Variants in XKR9 observed in about 807,000 individuals in gnomAD.
XKR9 encodes XK-related protein 9.
In XKR9, 32 loss-of-function variants were observed where a neutral mutation model predicts 32.0. That is an observed-to-expected ratio of 1.00 (90% CI 0.76 to 1.34). The LOEUF (loss-of-function observed/expected upper bound fraction) is 1.34. Among genes scored for constraint, XKR9 ranks in the 40% most tolerant of loss-of-function variants. The probability of loss-of-function intolerance (pLI) is 0.00; values close to 1 mark genes in which losing one functional copy is unlikely to be tolerated. For synonymous variants in XKR9, 168 were observed against 143.4 expected (o/e 1.17, Z -1.22); for missense variants, 546 against 429.7 (o/e 1.27, Z -2.39).
the XKR9 span, among the ~76,000 whole-genome samples, chr8:70,870,352 A>C: frequency 0.016 from 2,460 of 152,336 alleles, 24 homozygotes; most frequent in Non-Finnish European, 0.027. Flanking sequence ...TTAATGACTA[A>C]GTTTAAAAGT....
chr8:70,856,841 A>G, the XKR9 span, among the ~76,000 whole-genome samples: 2 of 152,218 alleles, frequency 1.3e-5, no homozygotes, highest in Admixed American at 6.5e-5. Flanking sequence ...GCTCAACTAC[A>G]TGGAAACTGG....
the XKR9 span, among the ~76,000 whole-genome samples, chr8:70,910,244 C>A: frequency 0.048 from 7,349 of 152,148 alleles, 792 homozygotes; most frequent in East Asian, 0.26. Context: ...AGGCCTTCTT[C>A]TTGTTACCCC....
At chr8:70,916,314 T>C in the XKR9 span, among the ~76,000 whole-genome samples, 1 of 152,232 alleles carries the variant, frequency 6.6e-6, no homozygotes, top group South Asian at 2.1e-4. Context: ...TCTTTGTCCG[T>C]TGATTTTCAG....
the XKR9 span, among the ~76,000 whole-genome samples, chr8:70,834,018 T>A: frequency 6.6e-6 from 1 of 152,268 alleles, no homozygotes; most frequent in South Asian, 2.1e-4. Context: ...GACTTACTAC[T>A]GGATTTAAAA....
the XKR9 span, among the ~76,000 whole-genome samples, chr8:70,998,369 T>C: frequency 6.6e-6 from 1 of 152,196 alleles, no homozygotes; most frequent in East Asian, 1.9e-4. Context: ...TGATTAGCAG[T>C]AATGAGTTCA....
At chr8:70,725,592 C>T (rs1024052112) in intron 4 of XKR9, among the ~76,000 whole-genome samples, 4 of 151,966 alleles carry the variant, frequency 2.6e-5, no homozygotes, top group South Asian at 2.1e-4. Context: ...TTTTAAAAAA[C>T]GATGTACGAG....
At chr8:70,846,823 T>C in the XKR9 span, among the ~76,000 whole-genome samples, 1 of 152,138 alleles carries the variant, frequency 6.6e-6, no homozygotes, top group African/African-American at 2.4e-5. Context: ...ATGCACTTAA[T>C]ACCAGAGCAT....
chr8:71,043,745 C>T, the XKR9 span, among the ~76,000 whole-genome samples: 4 of 152,028 alleles, frequency 2.6e-5, no homozygotes, highest in Admixed American at 2.0e-4. Context: ...TAGCTTTTTT[C>T]CCTTCTTGAA....
chr8:70,757,035 A>C (rs1302455059), intron 2 of XKR9, among the ~76,000 whole-genome samples: 2 of 152,058 alleles, frequency 1.3e-5, no homozygotes, highest in Admixed American at 1.3e-4. Flanking sequence ...TATTTATTGA[A>C]TGTTTTTATC....
At chr8:70,935,110 T>TAC in the XKR9 span, among the ~76,000 whole-genome samples, 3 of 147,322 alleles carry the variant, frequency 2.0e-5, no homozygotes, top group African/African-American at 7.5e-5. Flanking sequence ...AGTATATATA[T>TAC]ATATATATAT....
chr8:70,813,040 C>T, the XKR9 span, among the ~76,000 whole-genome samples: 2 of 152,162 alleles, frequency 1.3e-5, no homozygotes, highest in Non-Finnish European at 2.9e-5. Context: ...TGACTTCAAA[C>T]TATACTACAA....
chr8:70,680,744 A>G (rs1819048691), intron 2 of XKR9, 37 bp from the exon 3 acceptor site: 1 of 175,624 alleles, frequency 5.7e-6, no homozygotes, highest in Admixed American at 5.8e-5. Context: ...TATTATACTT[A>G]AGATATTTTG....
At chr8:70,743,307 TC>T (rs1433321103) in intron 2 of XKR9, among the ~76,000 whole-genome samples, 2 of 152,210 alleles carry the variant, frequency 1.3e-5, no homozygotes, top group Non-Finnish European at 2.9e-5. Context: ...AGCATATTTT[TC>T]TTTATATCCT....
At chr8:70,945,556 G>A in the XKR9 span, among the ~76,000 whole-genome samples, 3 of 150,522 alleles carry the variant, frequency 2.0e-5, no homozygotes, top group Non-Finnish European at 4.5e-5. Context: ...AATTGTGTTA[G>A]TAAATTCAGC....
At chr8:71,027,786 G>C in the XKR9 span, among the ~76,000 whole-genome samples, 13 of 149,940 alleles carry the variant, frequency 8.7e-5, no homozygotes, top group East Asian at 4.0e-4. Context: ...TGGCGGGGGG[G>C]GGGGGTCTCA....
the XKR9 span, among the ~76,000 whole-genome samples, chr8:70,831,207 C>T: frequency 6.7e-6 from 1 of 150,262 alleles, no homozygotes; most frequent in African/African-American, 2.5e-5. Flanking sequence ...AGGAGAATCT[C>T]TTGAACCTGG....
At chr8:70,675,664 C>T (rs1586801733) in intron 2 of XKR9, among the ~76,000 whole-genome samples, 1 of 152,200 alleles carries the variant, frequency 6.6e-6, no homozygotes. Flanking sequence ...GTTCAAACTT[C>T]CATAGATCTC....
At chr8:70,998,843 G>A in the XKR9 span, among the ~76,000 whole-genome samples, 4 of 152,126 alleles carry the variant, frequency 2.6e-5, no homozygotes, top group African/African-American at 9.7e-5. Flanking sequence ...ACCAGTCCCC[G>A]TGTTACACAG....
the XKR9 span, among the ~76,000 whole-genome samples, chr8:70,845,156 A>C: frequency 6.6e-6 from 1 of 152,376 alleles, no homozygotes; most frequent in South Asian, 2.1e-4. Context: ...ATACCACTGA[A>C]GAAATCACAG....
Sources: gnomAD v4.1 joint callset for allele counts (sites outside exome capture counted in the v4.1 genomes callset) on GRCh38, gnomAD v4.1.1 for gene constraint, MANE v1.5 for transcripts, NCBI Gene and HGNC (gene_info 2026-07-23, HGNC 2026-07-21) for gene names.